KIZ: variants seen among roughly 807,000 people sequenced by gnomAD.
KIZ encodes the protein centrosomal protein kizuna.
In KIZ, 68 loss-of-function variants were observed where a neutral mutation model predicts 79.6. That is an observed-to-expected ratio of 0.85 (90% CI 0.70 to 1.05). The LOEUF (loss-of-function observed/expected upper bound fraction) is 1.05, where lower values mean the gene tolerates loss of function less well. KIZ is among the 50% of genes least tolerant of loss of function. KIZ has a pLI of 0.00. For synonymous variants in KIZ, 280 were observed against 281.8 expected, an observed-to-expected ratio of 0.99 and a Z score of 0.06; for missense variants, 797 against 800.4, an observed-to-expected ratio of 1.00 and a Z score of 0.05.
At chr20:21,143,067 C>T (rs1202802667) in intron 3 of KIZ, among the ~76,000 whole-genome samples, 2 of 152,050 alleles carry the variant, frequency 1.3e-5, no homozygotes, top group African/African-American at 4.8e-5. Context: ...TCCCCCATAT[C>T]TTTGGTAAAA....
chr20:21,137,964 G>A (rs566556703), intron 3 of KIZ, among the ~76,000 whole-genome samples: 13 of 152,110 alleles, frequency 8.5e-5, no homozygotes, highest in Admixed American at 2.6e-4. Flanking sequence ...TAGAGATGAG[G>A]TCTCACTATG....
chr20:21,208,518 A>G (rs1052008115), intron 7 of KIZ, among the ~76,000 whole-genome samples: 28 of 152,216 alleles, frequency 1.8e-4, no homozygotes, highest in Non-Finnish European at 3.8e-4. Flanking sequence ...CTTGGCTAAC[A>G]CGGTGAAACC....
chr20:21,205,872 A>G (rs1389747831), intron 7 of KIZ, among the ~76,000 whole-genome samples: 3 of 151,706 alleles, frequency 2.0e-5, no homozygotes, highest in African/African-American at 7.3e-5. Context: ...GAGGCAGGAG[A>G]ATTGCTTGAA....
chr20:21,198,481 C>T (rs916532221), intron 6 of KIZ: 2 of 152,724 alleles, frequency 1.3e-5, no homozygotes, highest in Admixed American at 6.5e-5. Flanking sequence ...GTTTGGCTGG[C>T]TGAGTGAGTG....
chr20:21,229,735 C>T (rs765159033), intron 10 of KIZ, among the ~76,000 whole-genome samples: 29 of 151,820 alleles, frequency 1.9e-4, no homozygotes, highest in African/African-American at 4.4e-4. Context: ...CCACCACACT[C>T]GGCTAATTTT....
At chr20:21,219,384 C>T (rs1330404189) in intron 9 of KIZ, among the ~76,000 whole-genome samples, 1 of 151,832 alleles carries the variant, frequency 6.6e-6, no homozygotes. Flanking sequence ...TTGTTGTGAT[C>T]ACAGCTTTTT....
At chr20:21,149,024 C>CT (rs1248299647) in intron 4 of KIZ, 1 of 152,182 alleles carries the variant, frequency 6.6e-6, no homozygotes, top group Non-Finnish European at 1.5e-5. Flanking sequence ...TGCGTTAACA[C>CT]TTTATGTGTA....
intron 6 of KIZ, among the ~76,000 whole-genome samples, chr20:21,176,037 C>T (rs1366169251): frequency 4.6e-5 from 7 of 151,962 alleles, no homozygotes; most frequent in South Asian, 2.1e-4. Context: ...AGGCTGGGCA[C>T]GGTGGCTCAC....
At chr20:21,229,860 G>A (rs2036780673) in intron 10 of KIZ, among the ~76,000 whole-genome samples, 1 of 152,200 alleles carries the variant, frequency 6.6e-6, no homozygotes, top group Non-Finnish European at 1.5e-5. Context: ...ACAGGTGTGA[G>A]CCACCATGCC....
Position 21,166,678 on chromosome 20 carries a change from G to A in KIZ, c.1352+3519G>A, listed in dbSNP as rs1385637646. The A allele has an allele frequency of 1.5e-5, 10 of 665,238 alleles. No homozygotes were observed. In the African/African-American group the frequency reaches 1.9e-4, roughly 12 times the overall value. 41.2% of individuals were successfully genotyped at this position (665,238 alleles called of 1,614,324 possible). ...TCTCCATGTTGGTCAGGCTGGTCTT[G>A]TACTCCCTACCTCAGGTGATCTGCC... On this transcript the variant is annotated intron_variant, in intron 6 of 12. Coordinates refer to ENST00000619189, the MANE Select transcript of KIZ (RefSeq NM_018474.6).
At chr20:21,243,143 G>C (rs2037275753) in intron 11 of KIZ, among the ~76,000 whole-genome samples, 1 of 152,118 alleles carries the variant, frequency 6.6e-6, no homozygotes, top group Non-Finnish European at 1.5e-5. Context: ...AGGACTGTCA[G>C]TCAGCTGCTG....
intron 6 of KIZ, among the ~76,000 whole-genome samples, chr20:21,173,448 G>A (rs2034301761): frequency 6.6e-6 from 1 of 151,762 alleles, no homozygotes; most frequent in South Asian, 2.1e-4. Context: ...TGTGGTGGCG[G>A]GTGCCTGTAA....
At position 21,136,511 on chromosome 20, in the gene KIZ, G is replaced by T; in HGVS notation, c.274G>T (p.Val92Leu). 1 of 1,598,012 alleles carries T rather than the reference G, an allele frequency of 6.3e-7. No homozygotes were observed. Among genetic ancestry groups the T allele is most frequent in the Non-Finnish European group, 8.5e-7 (1 of 1,172,392 alleles). ...KRFERVQAHV[V>L]HFTTNTEKLQ... ...ATTTGAGCGTGTCCAAGCTCATGTT[G>T]TACACTTCACCACAAATACAGAGAA... Residue 92 changes from valine (V) to leucine (L), a missense_variant, in exon 3 of 13, where the codon GTA (valine) becomes TTA (leucine). Physicochemically the swap from Val to Leu is conservative, Grantham distance 32. Coordinates refer to ENST00000619189, the MANE Select transcript of KIZ (RefSeq NM_018474.6).
At chr20:21,141,275 A>G (rs551595620) in intron 3 of KIZ, among the ~76,000 whole-genome samples, 4 of 152,244 alleles carry the variant, frequency 2.6e-5, no homozygotes, top group East Asian at 1.9e-4. Context: ...GAAATAAGGA[A>G]TATCAGTAGG....
chr20:21,126,337 T>A, intron 1 of KIZ, 133 bp downstream of exon 1: 1 of 546,566 alleles, frequency 1.8e-6, no homozygotes, highest in Non-Finnish European at 3.0e-6. Context: ...CCCCCCAGGC[T>A]CCCAGTGGGG....
intron 6 of KIZ, among the ~76,000 whole-genome samples, chr20:21,173,354 G>A (rs1249035178): frequency 1.3e-5 from 2 of 151,978 alleles, no homozygotes; most frequent in Non-Finnish European, 2.9e-5. Flanking sequence ...AAGATGGGTT[G>A]ATCACTTGAG....
chr20:21,176,525 C>T (rs959615997), intron 6 of KIZ, among the ~76,000 whole-genome samples: 1 of 149,544 alleles, frequency 6.7e-6, no homozygotes, highest in African/African-American at 2.5e-5. Flanking sequence ...CCTAGTACAT[C>T]ATGCCTGGCT....
At chr20:21,237,596 ACCCACTATTTCATGT>A (rs1433327728) in intron 11 of KIZ, among the ~76,000 whole-genome samples, 2 of 152,028 alleles carry the variant, frequency 1.3e-5, no homozygotes, top group Non-Finnish European at 2.9e-5. Context: ...CCCGCGTATG[ACCCACTATTTCATGT>A]CCCTGGATTT....
At chr20:21,172,769 C>T (rs1232188086) in intron 6 of KIZ, among the ~76,000 whole-genome samples, 3 of 152,164 alleles carry the variant, frequency 2.0e-5, no homozygotes, top group Non-Finnish European at 4.4e-5. Context: ...TGTGCCCATG[C>T]CTTCTCTATC....
Sources: gnomAD v4.1 joint callset for allele counts (sites outside exome capture counted in the v4.1 genomes callset) on GRCh38, gnomAD v4.1.1 for gene constraint, MANE v1.5 for transcripts, NCBI Gene and HGNC (gene_info 2026-07-23, HGNC 2026-07-21) for gene names.